AFDN: variants seen among roughly 807,000 people sequenced by gnomAD.
AFDN encodes afadin.
A neutral mutation model predicts 216.6 loss-of-function variants in AFDN; 68 were observed. The observed-to-expected ratio is 0.31, with a 90% CI of 0.26 to 0.38. The LOEUF (loss-of-function observed/expected upper bound fraction) is 0.38, where lower values mean the gene tolerates loss of function less well. Among genes scored for constraint, AFDN ranks in the 10% least tolerant of loss-of-function variants. AFDN has a pLI of 1.00. For missense variants in AFDN, 2,136 were observed against 2,342.0 expected, an observed-to-expected ratio of 0.91 and a Z score of 1.82; for synonymous variants, 868 against 853.7, an observed-to-expected ratio of 1.02 and a Z score of -0.29.
At chr6:167,832,297 G>T (rs1022462350) in intron 1 of AFDN, among the ~76,000 whole-genome samples, 1 of 152,124 alleles carries the variant, frequency 6.6e-6, no homozygotes, top group African/African-American at 2.4e-5. Context: ...CTTCCAGTTC[G>T]TGTCTCTCTA....
At position 167,951,428 on chromosome 6, in the gene AFDN, C is replaced by T; in HGVS notation, c.4074C>T (p.Ala1358=). The change falls in exon 30 of 34, where the codon GCC becomes GCT. Residue 1358 remains alanine (A), a synonymous_variant. Transcript: ENST00000683244. This position sits in a 1 kb window ranked among gnomAD's most constrained non-coding sequence, Gnocchi z 7.1. ...GRWKTPAAIP[A]TPVAVSQPIR... ...GGAAAACACCAGCAGCCATACCGGC[C>T]ACCCCTGTGGCCGTCTCCCAGCCAA... 2 of 1,614,116 alleles carry T rather than the reference C, an allele frequency of 1.2e-6. No individual in the cohort carries two copies. The highest frequency in any genetic ancestry group is 4.5e-5 in the East Asian group (2 of 44,846).
chr6:167,877,726 C>T (rs554823138), intron 5 of AFDN, among the ~76,000 whole-genome samples: 1 of 152,288 alleles, frequency 6.6e-6, no homozygotes, highest in African/African-American at 2.4e-5. Context: ...GCTTAGCTAT[C>T]AGGTTAATTC....
At chr6:167,894,440 A>AT (rs747918858) in intron 9 of AFDN, among the ~76,000 whole-genome samples, 6 of 152,108 alleles carry the variant, frequency 3.9e-5, no homozygotes, top group Non-Finnish European at 7.4e-5. Flanking sequence ...AGGGGAGAAA[A>AT]TTTGGGATTT....
chr6:167,877,314 T>C lies in AFDN; in HGVS notation c.739+1819T>C, dbSNP rs143372094. Among the ~76,000 whole-genome samples, 290 of 152,272 alleles carry C rather than the reference T, an allele frequency of 1.9e-3. 3 individuals are homozygous for C. Among genetic ancestry groups the C allele is most frequent in the African/African-American group, 6.8e-3 (282 of 41,544 alleles). Reference sequence around the variant, plus strand: ...TAAAGTGCTGGTAGGATATGGGATATATTTTAGGCTACTGTTCCAGTGGCA... The same window carrying C: ...TAAAGTGCTGGTAGGATATGGGATACATTTTAGGCTACTGTTCCAGTGGCA... On this transcript the variant is annotated intron_variant, in intron 5 of 33. Transcript: ENST00000683244.
At chr6:167,927,197 G>A (rs1031388439) in intron 23 of AFDN, among the ~76,000 whole-genome samples, 2 of 152,116 alleles carry the variant, frequency 1.3e-5, no homozygotes, top group Non-Finnish European at 2.9e-5. Flanking sequence ...GCGTTGTAGC[G>A]GTTGTGGAGG....
chr6:167,954,817 A>G (rs1380368982), intron 30 of AFDN, among the ~76,000 whole-genome samples: 2 of 152,162 alleles, frequency 1.3e-5, no homozygotes. Flanking sequence ...TGAGTAATCT[A>G]TTTCATTTTT....
chr6:167,923,749 A>G (rs1026973820), intron 22 of AFDN, among the ~76,000 whole-genome samples: 3 of 148,086 alleles, frequency 2.0e-5, no homozygotes, highest in Non-Finnish European at 3.0e-5. Context: ...TCAGCCTCCC[A>G]GTAGCTGGGA....
intron 21 of AFDN, among the ~76,000 whole-genome samples, chr6:167,922,524 G>C (rs1038634972): frequency 6.6e-6 from 1 of 152,110 alleles, no homozygotes; most frequent in Admixed American, 6.6e-5. Flanking sequence ...TGTTATTAAG[G>C]ATCTCTTAGT....
rs576671740 is a variant in AFDN, at chr6:167,880,651, A to AAT, written c.897+141_897+142dup. Reference sequence around the variant, plus strand: ...CTGATAATTTACAAATCATGTGCTAAATATATATTTTTAAAAAGCAGTCTC... The same window carrying AAT: ...CTGATAATTTACAAATCATGTGCTAAATATATATATTTTTAAAAAGCAGTCTC... On this transcript the variant is annotated intron_variant, in intron 6 of 33. Coordinates refer to ENST00000683244, the MANE Select transcript of AFDN (RefSeq NM_001386888.1). 1,014 of 850,658 alleles carry AAT rather than the reference A, an allele frequency of 1.2e-3. 12 individuals carry two copies. The African/African-American group carries it at 0.016, about 13-fold the overall frequency. 52.7% of individuals were successfully genotyped at this position (850,658 alleles called of 1,614,324 possible).
chr6:167,827,222 C>A lies in AFDN; in HGVS notation c.90C>A (p.Ile30=). ...WNANRLDLFE[I]SQPTEDLEFH... is the part of the protein sequence containing the mutation. The stretch of plus-strand genomic sequence containing the variant: ...CCAACCGGCTGGACCTGTTCGAGAT[C>A]AGCCAGCCGACCGAGGTGAGCACCG... The change falls in exon 1 of 34, where the codon ATC becomes ATA. Residue 30 remains isoleucine (I), a synonymous_variant. Transcript: ENST00000683244. The A allele has an allele frequency of 8.1e-7, 1 of 1,230,742 alleles. No individual in the cohort carries two copies. The highest frequency in any genetic ancestry group is 1.5e-5 in the South Asian group (1 of 67,734). The allele number at this position is 1,230,742 out of a possible 1,614,324, so 76.2% of individuals were successfully genotyped here. A position where few individuals can be genotyped will look rare whatever the true frequency, so the allele number is the denominator to read the frequency against.
chr6:167,906,893 A>C (rs1041462730), intron 12 of AFDN, among the ~76,000 whole-genome samples: 1 of 152,110 alleles, frequency 6.6e-6, no homozygotes, highest in African/African-American at 2.4e-5. Context: ...AAAAATCATC[A>C]TGTGTGTGTT....
chr6:167,947,776 C>A, intron 27 of AFDN, 77 bp from the exon 28 acceptor site: 1 of 924,244 alleles, frequency 1.1e-6, no homozygotes. Context: ...TGAATGAGGT[C>A]TTTAAGGAAA....
In AFDN at chr6:167,918,952, C is replaced by CT. The variant is rs1331866736; in HGVS notation, c.2908+20dup. ...CAGAGAGGTAAATTAGTCTAAATGCCTGAGTCTGAGCTACGCCCCAGGTTG... is the reference window on the plus strand; with the variant it reads ...CAGAGAGGTAAATTAGTCTAAATGCCTTGAGTCTGAGCTACGCCCCAGGTTG... On this transcript the variant is annotated intron_variant, in intron 21 of 33. Coordinates refer to ENST00000683244, the MANE Select transcript of AFDN (RefSeq NM_001386888.1). 1 of 1,601,166 alleles carries CT rather than the reference C, an allele frequency of 6.2e-7. No individual in the cohort carries two copies. Among genetic ancestry groups the CT allele is most frequent in the African/African-American group, 1.3e-5 (1 of 74,666 alleles).
Position 167,915,379 on chromosome 6 carries a change from T to C in AFDN, c.2511T>C (p.Ala837=). 2 of 1,614,240 alleles carry C rather than the reference T, an allele frequency of 1.2e-6. No homozygotes were observed. Among genetic ancestry groups the C allele is most frequent in the Non-Finnish European group, 1.7e-6 (2 of 1,180,046 alleles). Residue 837 remains alanine, a synonymous_variant, in exon 19 of 34, where the codon GCT becomes GCC. Transcript: ENST00000683244. ...RQQLGHIEAW[A]EKQGLELAAD... ...AGTTGGGCCATATTGAAGCCTGGGC[T>C]GAGAAGCAGGGGCTGGAACTGGCTG...
chr6:167,962,750 T>G lies in AFDN; in HGVS notation c.4968+183T>G. 6.8e-7 allele frequency: 1 copy of G among 1,461,980 alleles called. No individual in the cohort carries two copies. The highest frequency in any genetic ancestry group is 9.0e-7 in the Non-Finnish European group (1 of 1,111,344). 90.6% of individuals were successfully genotyped at this position (1,461,980 alleles called of 1,614,324 possible). On this transcript the variant is annotated intron_variant, in intron 31 of 33. Coordinates refer to ENST00000683244, the MANE Select transcript of AFDN (RefSeq NM_001386888.1). The surrounding 1 kb of genome is among the most constrained non-coding windows in gnomAD (Gnocchi z 5.2). ...CCCCATCTGGCCCACCTACCTCTCTTCTGGACTGTCTCCAGATCCCCTTAT... is the reference window on the plus strand; with the variant it reads ...CCCCATCTGGCCCACCTACCTCTCTGCTGGACTGTCTCCAGATCCCCTTAT...
intron 1 of AFDN, among the ~76,000 whole-genome samples, chr6:167,849,298 CATGTA>C (rs1258075193): frequency 4.7e-4 from 71 of 152,086 alleles, no homozygotes; most frequent in African/African-American, 1.7e-3. Flanking sequence ...ATCTTTGTAT[CATGTA>C]ATGTAACTTG....
intron 6 of AFDN, among the ~76,000 whole-genome samples, chr6:167,883,792 G>C (rs1443629501): frequency 5.9e-5 from 9 of 152,154 alleles, no homozygotes; most frequent in Non-Finnish European, 1.2e-4. Flanking sequence ...GACTGACCAG[G>C]GTGGTGGTTG....
In AFDN at chr6:167,917,110, G is replaced by T; in HGVS notation, c.2587G>T (p.Asp863Tyr). 1.2e-6 allele frequency: 2 copies of T among 1,612,674 alleles called. No individual in the cohort carries two copies. Among genetic ancestry groups the T allele is most frequent in the Non-Finnish European group, 1.7e-6 (2 of 1,179,486 alleles). The change falls in exon 20 of 34, where the codon GAT becomes TAT. Residue 863 changes from aspartate to tyrosine, a missense_variant. Around this residue, in one of 8 missense-constraint regions of AFDN, gnomAD observed 162 missense variants for 182.6 expected, o/e 0.89. Transcript: ENST00000683244. ...IVQATTLLTM[D>Y]KYAPDDIPNI... ...ATAGGCAACGACTTTGCTTACCATG[G>T]ATAAGTATGCACCTGATGACATTCC...
At chr6:167,958,261 A>G (rs536347809) in intron 30 of AFDN, among the ~76,000 whole-genome samples, 1 of 152,362 alleles carries the variant, frequency 6.6e-6, no homozygotes, top group South Asian at 2.1e-4. Context: ...CTCATTACAT[A>G]TATGCAAATA....
Sources: allele counts gnomAD v4.1 joint callset (sites outside exome capture counted in the v4.1 genomes callset), GRCh38; gene constraint gnomAD v4.1.1; regional missense constraint gnomAD v4.1.1; non-coding constraint Gnocchi (gnomAD v3.1); transcripts MANE v1.5; gene names NCBI Gene and HGNC (gene_info 2026-07-23, HGNC 2026-07-21).